CCDC125: variants seen among roughly 807,000 people sequenced by gnomAD.
CCDC125 encodes the protein coiled-coil domain containing 125, also known as coiled-coil domain-containing protein 125.
Under a neutral mutation model 57.4 loss-of-function variants are expected in CCDC125, and 43 were observed. That is an observed-to-expected ratio of 0.75 (90% CI 0.59 to 0.97). The LOEUF (loss-of-function observed/expected upper bound fraction) is 0.97, where lower values mean the gene tolerates loss of function less well. Ranked by LOEUF, CCDC125 falls within the 50% of genes least tolerant of loss-of-function variation. CCDC125 has a pLI of 0.00. For missense variants in CCDC125, 563 were observed against 595.7 expected (o/e 0.95, Z 0.57); for synonymous variants, 187 against 195.2 (o/e 0.96, Z 0.35).
intron 11 of CCDC125, among the ~76,000 whole-genome samples, chr5:69,283,515 C>T (rs568687569): frequency 1.8e-4 from 26 of 147,438 alleles, no homozygotes; most frequent in Middle Eastern, 4.0e-3. Context: ...CCACCGTGCC[C>T]GGCCAATTCT....
At chr5:69,328,797 CT>C (rs779295171) in intron 1 of CCDC125, among the ~76,000 whole-genome samples, 239 of 143,898 alleles carry the variant, frequency 1.7e-3, no homozygotes, top group Middle Eastern at 3.6e-3. Flanking sequence ...ATACGTTTGA[CT>C]TTTTTTTTTT....
chr5:69,290,301 A>G (rs898482668), intron 10 of CCDC125, among the ~76,000 whole-genome samples: 5 of 149,878 alleles, frequency 3.3e-5, no homozygotes, highest in Non-Finnish European at 7.4e-5. Context: ...TATTATTATT[A>G]CTATTATTAT....
Position 69,283,040 on chromosome 5 carries a change from T to A in CCDC125, c.1231-6A>T. On this transcript the variant is annotated splice_region_variant and splice_polypyrimidine_tract_variant and intron_variant, in intron 11 of 11. Transcript: ENST00000396496. Reference sequence around the variant, plus strand: ...GCTTCTTCTTTATCATTAAGCTGCATGCACAGAAATTAAACATGTACAAGT... The same window carrying A: ...GCTTCTTCTTTATCATTAAGCTGCAAGCACAGAAATTAAACATGTACAAGT... 6.4e-7 allele frequency: 1 copy of A among 1,570,194 alleles called. No homozygotes were observed. The highest frequency in any genetic ancestry group is 8.6e-7 in the Non-Finnish European group (1 of 1,163,042).
intron 7 of CCDC125, among the ~76,000 whole-genome samples, chr5:69,301,734 CA>C (rs61192208): frequency 0.53 from 74,548 of 139,680 alleles, 19,288 homozygotes; most frequent in South Asian, 0.65. Flanking sequence ...GACTCTGTCT[CA>C]AAAAAAAAAA....
At chr5:69,322,694 C>G (rs1349942439) in intron 1 of CCDC125, among the ~76,000 whole-genome samples, 1 of 151,920 alleles carries the variant, frequency 6.6e-6, no homozygotes, top group Non-Finnish European at 1.5e-5. Context: ...TCCTGAGTAG[C>G]TGGGATTACA....
At chr5:69,312,194 A>G (rs1377528835) in intron 3 of CCDC125, among the ~76,000 whole-genome samples, 2 of 152,194 alleles carry the variant, frequency 1.3e-5, no homozygotes, top group African/African-American at 4.8e-5. Context: ...TGTGACAGGC[A>G]GAGGCTGGAT....
downstream of CCDC125, among the ~76,000 whole-genome samples, chr5:69,278,528 T>C (rs1246435122): frequency 2.0e-5 from 3 of 152,014 alleles, no homozygotes; most frequent in Non-Finnish European, 2.9e-5. Flanking sequence ...TTCACTTTAT[T>C]TCTATTTTTT....
At position 69,320,541 on chromosome 5, in the gene CCDC125, G is replaced by C. The variant is rs760148913; in HGVS notation, c.-1C>G. The C allele has an allele frequency of 6.2e-7, 1 of 1,602,110 alleles. No individual in the cohort carries two copies. The highest frequency in any genetic ancestry group is 8.5e-7 in the Non-Finnish European group (1 of 1,173,830). ...TTGATGATCTTGCCACCTTGCTCAT[G>C]AGCCAAATGCCGTCTTTATCATAAG... On this transcript the variant is annotated 5_prime_UTR_variant, in exon 2 of 12. Transcript: ENST00000396496.
intron 5 of CCDC125, among the ~76,000 whole-genome samples, 155 bp from the exon 6 acceptor site, chr5:69,307,057 A>C (rs1337868287): frequency 6.6e-6 from 1 of 152,244 alleles, no homozygotes; most frequent in Non-Finnish European, 1.5e-5. Flanking sequence ...TGACATTTGC[A>C]AACACATATA....
chr5:69,275,567 C>G (rs1448290144), downstream of CCDC125, among the ~76,000 whole-genome samples: 1 of 152,102 alleles, frequency 6.6e-6, no homozygotes, highest in East Asian at 1.9e-4. Context: ...AAATCCAAAG[C>G]TTTTTGAATG....
intron 6 of CCDC125, among the ~76,000 whole-genome samples, chr5:69,306,083 T>C (rs1463029431): frequency 6.6e-6 from 1 of 152,104 alleles, no homozygotes; most frequent in South Asian, 2.1e-4. Flanking sequence ...CTTAACCATC[T>C]TATTTTTCAT....
intron 3 of CCDC125, chr5:69,313,683 G>T: frequency 2.6e-6 from 2 of 759,260 alleles, no homozygotes; most frequent in Non-Finnish European, 4.9e-6. Context: ...GTTGTCGATG[G>T]TCTGGTCCAC....
intron 10 of CCDC125, among the ~76,000 whole-genome samples, chr5:69,285,965 T>C (rs1463330720): frequency 1.3e-5 from 2 of 151,760 alleles, no homozygotes; most frequent in African/African-American, 2.4e-5. Context: ...CTCAGCTTGA[T>C]TTCCTCATCT....
intron 10 of CCDC125, among the ~76,000 whole-genome samples, chr5:69,288,983 A>C (rs1446389058): frequency 1.3e-5 from 2 of 152,200 alleles, no homozygotes; most frequent in South Asian, 4.1e-4. Flanking sequence ...GAATTATGGA[A>C]CATCAAATGC....
downstream of CCDC125, among the ~76,000 whole-genome samples, chr5:69,276,131 C>T (rs1752112882): frequency 6.6e-6 from 1 of 152,052 alleles, no homozygotes; most frequent in Non-Finnish European, 1.5e-5. Flanking sequence ...TGGGTTCAAG[C>T]GATTCTCCTA....
At chr5:69,330,625 C>T (rs921684175) in intron 1 of CCDC125, among the ~76,000 whole-genome samples, 4 of 152,048 alleles carry the variant, frequency 2.6e-5, no homozygotes, top group Non-Finnish European at 5.9e-5. Flanking sequence ...TCCCAGCCCC[C>T]ATTCCAGGTC....
intron 3 of CCDC125, among the ~76,000 whole-genome samples, chr5:69,312,874 C>T (rs1488770263): frequency 2.6e-5 from 4 of 151,504 alleles, no homozygotes; most frequent in Admixed American, 2.0e-4. Flanking sequence ...TTTTTGTAAT[C>T]GAAAGTCTCT....
In CCDC125 at chr5:69,285,575, CAG is replaced by C. The variant is rs1307531267; in HGVS notation, c.1100-110_1100-109del. The C allele has an allele frequency of 1.5e-5, 17 of 1,116,244 alleles. No homozygotes were observed. In the East Asian group the frequency reaches 4.0e-4, roughly 26 times the overall value. 69.1% of individuals were successfully genotyped at this position (1,116,244 alleles called of 1,614,324 possible). The stretch of plus-strand genomic sequence containing the variant: ...TAGGACAAGTGAGTCCAGGAGCACA[CAG>C]TGGAATGTAGTGAGCAGAGCACAGC... On this transcript the variant is annotated intron_variant, in intron 10 of 11. Transcript: ENST00000396496.
intron 6 of CCDC125, among the ~76,000 whole-genome samples, chr5:69,306,099 T>C (rs887728746): frequency 1.3e-5 from 2 of 152,130 alleles, no homozygotes; most frequent in Admixed American, 6.6e-5. Context: ...TTCATCTTTT[T>C]TTTTTTTAAC....
Sources: gnomAD v4.1 joint callset for allele counts (sites outside exome capture counted in the v4.1 genomes callset) on GRCh38, gnomAD v4.1.1 for gene constraint, MANE v1.5 for transcripts, NCBI Gene and HGNC (gene_info 2026-07-23, HGNC 2026-07-21) for gene names.